MKRN2: variants seen among roughly 807,000 people sequenced by gnomAD.
MKRN2 encodes the protein makorin ring finger protein 2.
Under a neutral mutation model 45.4 loss-of-function variants are expected in MKRN2, and 32 were observed. That is an observed-to-expected ratio of 0.70 (90% CI 0.53 to 0.95). The LOEUF is 0.95. Among genes scored for constraint, MKRN2 ranks in the 40% least tolerant of loss-of-function variants. The pLI is 0.00. For synonymous variants in MKRN2, 206 were observed against 192.4 expected, an observed-to-expected ratio of 1.07 and a Z score of -0.59; for missense variants, 526 against 536.7, an observed-to-expected ratio of 0.98 and a Z score of 0.20.
At chr3:12,557,265 G>C (rs1207293726) in intron 1 of MKRN2, 89 bp downstream of exon 1, 1 of 1,474,388 alleles carries the variant, frequency 6.8e-7, no homozygotes, top group Admixed American at 2.2e-5. Context: ...GGGAACCTGA[G>C]GCTAGAGCGG....
intron 1 of MKRN2, among the ~76,000 whole-genome samples, chr3:12,563,145 C>T (rs2058049703): frequency 6.6e-6 from 1 of 152,156 alleles, no homozygotes; most frequent in Non-Finnish European, 1.5e-5. Context: ...TGTATAGTCA[C>T]TTAAGTCATG....
intron 1 of MKRN2, among the ~76,000 whole-genome samples, chr3:12,562,746 A>G (rs771120658): frequency 2.0e-5 from 3 of 151,780 alleles, no homozygotes; most frequent in East Asian, 1.9e-4. Flanking sequence ...CACTAACCCT[A>G]TTGTCAGCTG....
At chr3:12,579,858 T>C (rs1270721951) in intron 6 of MKRN2, among the ~76,000 whole-genome samples, 1 of 152,084 alleles carries the variant, frequency 6.6e-6, no homozygotes, top group East Asian at 1.9e-4. Flanking sequence ...CCCAGCACTT[T>C]GGGAGGCTGA....
intron 6 of MKRN2, among the ~76,000 whole-genome samples, chr3:12,581,037 A>T (rs2058175061): frequency 6.6e-6 from 1 of 150,726 alleles, no homozygotes; most frequent in Admixed American, 6.6e-5. Context: ...GGGATCCTTT[A>T]TGATTGGATA....
At position 12,557,225 on chromosome 3, in the gene MKRN2, G is replaced by A. The variant is rs775810165; in HGVS notation, c.26+49G>A. ...TTCGGGCCGCTCCCCCAGGCCGCAG[G>A]GGGGCCGGTGCGCGCCAGTGCTGTG... On this transcript the variant is annotated intron_variant, in intron 1 of 7. Transcript: ENST00000170447. 5 of 1,521,678 alleles carry A rather than the reference G, an allele frequency of 3.3e-6. No individual in the cohort carries two copies. In the South Asian group the frequency reaches 3.7e-5, roughly 11 times the overall value. The allele number at this position is 1,521,678 out of a possible 1,614,324, so 94.3% of individuals were successfully genotyped here. A position where few individuals can be genotyped will look rare whatever the true frequency, so the allele number is the denominator to read the frequency against.
rs1233890080 is a variant in MKRN2, at chr3:12,572,322, G to T, written c.591G>T (p.Arg197Ser). 1.2e-6 allele frequency: 2 copies of T among 1,609,458 alleles called. No homozygotes were observed. The highest frequency in any genetic ancestry group is 8.5e-7 in the Non-Finnish European group (1 of 1,176,540). ...ACGGGGAGGTGTGTGAAATCTGTAG[G>T]CTGCAAGTCTTGCACCCATTCGACC... ...YLHGEVCEICRLQVLHPFDPE... is the reference protein window; with the variant it reads ...YLHGEVCEICSLQVLHPFDPE... Residue 197 changes from arginine to serine, a missense_variant, in exon 4 of 8, where the codon AGG becomes AGT. Physicochemically the swap from Arg to Ser is moderately radical, Grantham distance 110. Coordinates refer to ENST00000170447, the MANE Select transcript of MKRN2 (RefSeq NM_014160.5).
In MKRN2 at chr3:12,582,564, G is replaced by T; in HGVS notation, c.*311G>T. The T allele has an allele frequency of 3.7e-6, 1 of 269,440 alleles. No individual in the cohort carries two copies. Among genetic ancestry groups the T allele is most frequent in the Non-Finnish European group, 7.1e-6 (1 of 140,730 alleles). The allele number at this position is 269,440 out of a possible 1,614,324, so 16.7% of individuals were successfully genotyped here. The stretch of plus-strand genomic sequence containing the variant: ...TTGATTGCTTTAAAAAACAAACCTG[G>T]CTCTTACCTTTGATCTTTTCTTCCC... On this transcript the variant is annotated 3_prime_UTR_variant, in exon 8 of 8. Transcript: ENST00000170447.
chr3:12,575,833 C>T (rs1419321475), intron 5 of MKRN2, among the ~76,000 whole-genome samples: 7 of 152,280 alleles, frequency 4.6e-5, no homozygotes, highest in African/African-American at 1.4e-4. Flanking sequence ...GAGTTCATCC[C>T]GACTGTAGCA....
At chr3:12,571,999 G>C in intron 3 of MKRN2, 70 bp from the exon 4 acceptor site, 1 of 1,446,960 alleles carries the variant, frequency 6.9e-7, no homozygotes, top group Non-Finnish European at 9.2e-7. Flanking sequence ...AATATGTTAG[G>C]CTTTGGCTAA....
At position 12,570,111 on chromosome 3, in the gene MKRN2, G is replaced by A. The variant is rs377507004; in HGVS notation, c.196G>A (p.Val66Met). Residue 66 changes from valine (V) to methionine (M), a missense_variant, in exon 3 of 8, where the codon GTG becomes ATG. Physicochemically the swap from Val to Met is conservative, Grantham distance 21. Transcript: ENST00000170447. ...TRPSAAAGGAVGTMAHSVPSP... is the reference protein window; with the variant it reads ...TRPSAAAGGAMGTMAHSVPSP... Reference sequence around the variant, plus strand: ...GCCCTCTGCTGCAGCTGGAGGTGCTGTGGGCACCATGGCCCACAGTGTGCC... The same window carrying A: ...GCCCTCTGCTGCAGCTGGAGGTGCTATGGGCACCATGGCCCACAGTGTGCC... 4 of 1,613,892 alleles carry A rather than the reference G, an allele frequency of 2.5e-6. No homozygotes were observed. Among genetic ancestry groups the A allele is most frequent in the East Asian group, 2.2e-5 (1 of 44,864 alleles).
chr3:12,580,288 G>T (rs751790081), intron 6 of MKRN2, among the ~76,000 whole-genome samples: 26 of 152,322 alleles, frequency 1.7e-4, no homozygotes, highest in South Asian at 4.1e-4. Flanking sequence ...TGTCCAGCAG[G>T]CTCTGGTGAG....
chr3:12,562,213 C>G (rs1397804589), intron 1 of MKRN2, among the ~76,000 whole-genome samples: 1 of 152,136 alleles, frequency 6.6e-6, no homozygotes, highest in Non-Finnish European at 1.5e-5. Flanking sequence ...TTCCAGACTC[C>G]CAGAAGGCAA....
intron 1 of MKRN2, among the ~76,000 whole-genome samples, chr3:12,557,921 C>G (rs1448281743): frequency 6.6e-6 from 1 of 152,230 alleles, no homozygotes; most frequent in Non-Finnish European, 1.5e-5. Context: ...AGCTACACTA[C>G]GACTGCTCCT....
chr3:12,573,757 G>C (rs970876535), intron 4 of MKRN2, among the ~76,000 whole-genome samples: 11 of 152,024 alleles, frequency 7.2e-5, no homozygotes, highest in Non-Finnish European at 1.6e-4. Flanking sequence ...ACTGGGTGTG[G>C]TGGCGGGCGC....
chr3:12,562,124 CAT>C (rs2058041705), intron 1 of MKRN2, among the ~76,000 whole-genome samples: 1 of 152,136 alleles, frequency 6.6e-6, no homozygotes, highest in Non-Finnish European at 1.5e-5. Context: ...AATGCAGCAA[CAT>C]GTGTCCAGGG....
intron 1 of MKRN2, among the ~76,000 whole-genome samples, chr3:12,567,782 C>T (rs1172770270): frequency 6.6e-6 from 1 of 152,096 alleles, no homozygotes; most frequent in Non-Finnish European, 1.5e-5. Flanking sequence ...TGAGCCACCA[C>T]ACCCAGCCTA....
In MKRN2 at chr3:12,582,525, C is replaced by A. The variant is rs905649976; in HGVS notation, c.*272C>A. 4.9e-5 allele frequency: 17 copies of A among 349,072 alleles called. No homozygotes were observed. Among genetic ancestry groups the A allele is most frequent in the Non-Finnish European group, 8.9e-5 (17 of 191,140 alleles). 21.6% of individuals were successfully genotyped at this position (349,072 alleles called of 1,614,324 possible). ...CTCAGGGGTAACAACTAACAAACACCCAAACTGTTTGGATTGATTGCTTTA... is the reference window on the plus strand; with the variant it reads ...CTCAGGGGTAACAACTAACAAACACACAAACTGTTTGGATTGATTGCTTTA... On this transcript the variant is annotated 3_prime_UTR_variant, in exon 8 of 8. Transcript: ENST00000170447.
At chr3:12,576,521 G>A in intron 5 of MKRN2, 110 bp from the exon 6 acceptor site, 2 of 660,300 alleles carry the variant, frequency 3.0e-6, no homozygotes, top group Non-Finnish European at 5.2e-6. Context: ...TGGAATTTCT[G>A]GTGAAGGAAA....
At chr3:12,559,790 T>G (rs188022212) in intron 1 of MKRN2, among the ~76,000 whole-genome samples, 1 of 152,318 alleles carries the variant, frequency 6.6e-6, no homozygotes, top group Admixed American at 6.5e-5. Context: ...CCAGTCTGTT[T>G]TCGGAGCCCT....
Sources: allele counts gnomAD v4.1 joint callset (sites outside exome capture counted in the v4.1 genomes callset), GRCh38; gene constraint gnomAD v4.1.1; transcripts MANE v1.5; gene names NCBI Gene and HGNC (gene_info 2026-07-23, HGNC 2026-07-21).